Variants in RAB3B observed in about 807,000 individuals in gnomAD.
The protein encoded by RAB3B is ras-related protein Rab-3B.
Under a neutral mutation model 20.5 loss-of-function variants are expected in RAB3B, and 11 were observed. The observed-to-expected ratio is 0.54, with a 90% CI of 0.34 to 0.89. The LOEUF (loss-of-function observed/expected upper bound fraction) is 0.89, where lower values mean the gene tolerates loss of function less well. Among genes scored for constraint, RAB3B ranks in the 40% least tolerant of loss-of-function variants. The pLI, the probability that RAB3B is intolerant of heterozygous loss-of-function variation, is 0.02. For missense variants in RAB3B, 225 were observed against 280.9 expected (o/e 0.80, Z 1.42); for synonymous variants, 99 against 106.3 (o/e 0.93, Z 0.42).
At chr1:51,968,054 C>A (rs1684880634) in intron 2 of RAB3B, among the ~76,000 whole-genome samples, 1 of 152,036 alleles carries the variant, frequency 6.6e-6, no homozygotes, top group South Asian at 2.1e-4. Flanking sequence ...GGAAGATGTT[C>A]CACTGCAGCT....
intron 2 of RAB3B, among the ~76,000 whole-genome samples, chr1:51,976,589 A>C (rs953874868): frequency 6.6e-6 from 1 of 152,194 alleles, no homozygotes; most frequent in Non-Finnish European, 1.5e-5. Context: ...ATGACTAGTA[A>C]GTGGTAGAAG....
intron 2 of RAB3B, among the ~76,000 whole-genome samples, chr1:51,942,569 C>T (rs565736775): frequency 6.6e-6 from 1 of 152,318 alleles, no homozygotes; most frequent in South Asian, 2.1e-4. Flanking sequence ...CTATAGTACA[C>T]AGCCTCTAAA....
intron 4 of RAB3B, among the ~76,000 whole-genome samples, chr1:51,927,366 A>G (rs751244932): frequency 7.2e-5 from 11 of 152,248 alleles, no homozygotes; most frequent in Admixed American, 2.0e-4. Context: ...AGCAAATGCA[A>G]TGCTCAAAGT....
Position 51,986,775 on chromosome 1 carries a change from T to C in RAB3B, c.-1+3777A>G, listed in dbSNP as rs115255446. Among the ~76,000 whole-genome samples, 752 of 152,226 alleles carry C rather than the reference T, an allele frequency of 4.9e-3. 13 individuals are homozygous for C. In the South Asian group the frequency reaches 0.058, roughly 12 times the overall value. ...GGGAGAGGCAGAGAGCTGAGTTCAG[T>C]TGGAAGGCTCATTCAGATGGAAGCC... is the stretch of plus-strand genomic sequence containing the variant. On this transcript the variant is annotated intron_variant, in intron 1 of 4. Coordinates refer to ENST00000371655, the MANE Select transcript of RAB3B (RefSeq NM_002867.4).
At chr1:51,972,677 C>A (rs1684954458) in intron 2 of RAB3B, among the ~76,000 whole-genome samples, 1 of 152,052 alleles carries the variant, frequency 6.6e-6, no homozygotes. Context: ...CATGCCCATG[C>A]ACCAAGGAAA....
At position 51,917,408 on chromosome 1, in the gene RAB3B, A is replaced by G. The variant is rs1346641071; in HGVS notation, c.*2519T>C. On this transcript the variant is annotated 3_prime_UTR_variant, in exon 5 of 5. Transcript: ENST00000371655. Reference sequence around the variant, plus strand: ...TTTATAAGTAGGAAATCAAGACTCAAAAGTGGAAAGTAACTGGCCCAGAGT... The same window carrying G: ...TTTATAAGTAGGAAATCAAGACTCAGAAGTGGAAAGTAACTGGCCCAGAGT... 1 of 152,194 alleles carries G rather than the reference A, an allele frequency of 6.6e-6. No individual in the cohort carries two copies. Among genetic ancestry groups the G allele is most frequent in the Non-Finnish European group, 1.5e-5 (1 of 68,028 alleles). The allele number at this position is 152,194 out of a possible 1,614,324, so 9.4% of individuals were successfully genotyped here.
intron 2 of RAB3B, among the ~76,000 whole-genome samples, chr1:51,955,000 G>A (rs950806096): frequency 6.6e-6 from 1 of 152,214 alleles, no homozygotes; most frequent in Non-Finnish European, 1.5e-5. Context: ...CCAACATAGG[G>A]CCTATCACCC....
intron 2 of RAB3B, among the ~76,000 whole-genome samples, chr1:51,961,690 TAC>T (rs1176985784): frequency 5.3e-5 from 8 of 152,226 alleles, no homozygotes; most frequent in Admixed American, 5.2e-4. Flanking sequence ...TTTCACCATT[TAC>T]AGAGTGCTTT....
At chr1:51,978,018 C>T (rs1685032652) in intron 1 of RAB3B, among the ~76,000 whole-genome samples, 1 of 152,150 alleles carries the variant, frequency 6.6e-6, no homozygotes, top group Non-Finnish European at 1.5e-5. Context: ...TTGCCTTTGT[C>T]CCTTACATGT....
intron 2 of RAB3B, among the ~76,000 whole-genome samples, chr1:51,961,820 G>T (rs1684788034): frequency 6.6e-6 from 1 of 152,026 alleles, no homozygotes; most frequent in Non-Finnish European, 1.5e-5. Flanking sequence ...ACCCAGGCTG[G>T]AGTGAAGTGG....
intron 2 of RAB3B, among the ~76,000 whole-genome samples, chr1:51,972,982 A>C (rs1684958092): frequency 6.6e-6 from 1 of 152,162 alleles, no homozygotes; most frequent in Non-Finnish European, 1.5e-5. Flanking sequence ...AAAAAAATTC[A>C]CTTATTTAAT....
rs1334026948 is a variant in RAB3B at position 51,986,110 on chromosome 1, C to T, written c.-1+4442G>A. 2.0e-5 allele frequency among the ~76,000 whole-genome samples: 3 copies of T among 151,716 alleles called. No homozygotes were observed. In the East Asian group the frequency reaches 5.8e-4, roughly 29 times the overall value. On this transcript the variant is annotated intron_variant, in intron 1 of 4. Transcript: ENST00000371655. Reference sequence around the variant, plus strand: ...TCACTTGAGGCCAGGAGTTCAAAACCAGCCTGGGAAACATAGTGAGATTCC... The same window carrying T: ...TCACTTGAGGCCAGGAGTTCAAAACTAGCCTGGGAAACATAGTGAGATTCC...
At chr1:51,987,414 C>A (rs1322974255) in intron 1 of RAB3B, among the ~76,000 whole-genome samples, 2 of 152,172 alleles carry the variant, frequency 1.3e-5, no homozygotes. Flanking sequence ...CATAAAATGG[C>A]TTCCTGGCAA....
At chr1:51,920,150 C>T (rs771303900) in intron 4 of RAB3B, 36 bp from the exon 5 acceptor site, 1 of 1,561,338 alleles carries the variant, frequency 6.4e-7, no homozygotes, top group Non-Finnish European at 8.7e-7. Flanking sequence ...GGACTTTTCC[C>T]ATCCCTTCTG....
chr1:51,959,959 T>C (rs1162563432), intron 2 of RAB3B, among the ~76,000 whole-genome samples: 2 of 152,092 alleles, frequency 1.3e-5, no homozygotes, highest in African/African-American at 2.4e-5. Flanking sequence ...GGGTGGTGCA[T>C]GGACTGCCTG....
intron 2 of RAB3B, among the ~76,000 whole-genome samples, chr1:51,971,334 CT>C (rs1321954989): frequency 6.6e-6 from 1 of 152,084 alleles, no homozygotes; most frequent in Non-Finnish European, 1.5e-5. Flanking sequence ...CAGTCTCCCC[CT>C]ATCCTTGGGG....
At chr1:51,943,947 C>A (rs985466560) in intron 2 of RAB3B, among the ~76,000 whole-genome samples, 2 of 152,212 alleles carry the variant, frequency 1.3e-5, no homozygotes, top group Admixed American at 1.3e-4. Flanking sequence ...CTGCTAAGAT[C>A]ATTGATTAGG....
chr1:51,934,912 C>T (rs1238317255), intron 3 of RAB3B, among the ~76,000 whole-genome samples: 1 of 151,158 alleles, frequency 6.6e-6, no homozygotes, highest in Non-Finnish European at 1.5e-5. Context: ...ATTATGAAGA[C>T]ATCTTTTTGT....
intron 4 of RAB3B, among the ~76,000 whole-genome samples, chr1:51,920,837 G>C (rs1158545346): frequency 6.6e-6 from 1 of 152,008 alleles, no homozygotes; most frequent in African/African-American, 2.4e-5. Context: ...AGTCTTCTTT[G>C]CCCTTTCCAC....
Sources: gnomAD v4.1 joint callset for allele counts (sites outside exome capture counted in the v4.1 genomes callset) on GRCh38, gnomAD v4.1.1 for gene constraint, MANE v1.5 for transcripts, NCBI Gene and HGNC (gene_info 2026-07-23, HGNC 2026-07-21) for gene names.